ZNF438: variants seen among roughly 807,000 people sequenced by gnomAD.
The protein encoded by ZNF438 is zinc finger protein 438.
In ZNF438, 25 loss-of-function variants were observed where a neutral mutation model predicts 38.0. The ratio of observed to expected loss-of-function variants is 0.66; its 90% confidence interval spans 0.48 to 0.92. The LOEUF is 0.92. Ranked by LOEUF, ZNF438 falls within the 40% of genes least tolerant of loss-of-function variation. The probability of loss-of-function intolerance (pLI) is 0.00; values close to 1 mark genes in which losing one functional copy is unlikely to be tolerated. For missense variants in ZNF438, 1,007 were observed against 999.6 expected, an observed-to-expected ratio of 1.01 and a Z score of -0.10; for synonymous variants, 372 against 364.1, an observed-to-expected ratio of 1.02 and a Z score of -0.25.
intron 1 of ZNF438, among the ~76,000 whole-genome samples, chr10:30,966,437 G>A (rs1437311056): frequency 1.3e-5 from 2 of 152,096 alleles, no homozygotes; most frequent in East Asian, 1.9e-4. Flanking sequence ...TTAGAAGGCC[G>A]AGGCGGGTGG....
intron 4 of ZNF438, among the ~76,000 whole-genome samples, chr10:30,863,593 C>G (rs1379223184): frequency 1.3e-5 from 2 of 152,222 alleles, no homozygotes; most frequent in Non-Finnish European, 1.5e-5. Flanking sequence ...AAGGGAATAT[C>G]TATTCTCATC....
chr10:30,951,647 C>G (rs993750543), intron 1 of ZNF438, among the ~76,000 whole-genome samples: 1 of 152,082 alleles, frequency 6.6e-6, no homozygotes, highest in Non-Finnish European at 1.5e-5. Context: ...CGCCCATTCA[C>G]AATTGCTTCA....
intron 3 of ZNF438, among the ~76,000 whole-genome samples, chr10:30,905,339 G>A (rs2042467443): frequency 6.6e-6 from 1 of 152,262 alleles, no homozygotes; most frequent in South Asian, 2.1e-4. Flanking sequence ...GTGTTTCATT[G>A]TGGCTATTCC....
intron 1 of ZNF438, among the ~76,000 whole-genome samples, chr10:31,013,911 T>A (rs2055960323): frequency 6.6e-6 from 1 of 152,142 alleles, no homozygotes; most frequent in South Asian, 2.1e-4. Context: ...TTAAAACTGT[T>A]TTTACTGTCT....
chr10:30,883,915 A>G (rs2039606275), intron 3 of ZNF438, among the ~76,000 whole-genome samples: 1 of 152,172 alleles, frequency 6.6e-6, no homozygotes, highest in African/African-American at 2.4e-5. Flanking sequence ...TGTTAGTTAC[A>G]GATCAGTATG....
intron 1 of ZNF438, among the ~76,000 whole-genome samples, chr10:31,011,131 G>A (rs1450236310): frequency 6.6e-6 from 1 of 152,124 alleles, no homozygotes; most frequent in African/African-American, 2.4e-5. Flanking sequence ...CAAAACAGGT[G>A]CCTGAGGATT....
intron 5 of ZNF438, among the ~76,000 whole-genome samples, chr10:30,846,645 T>C (rs1009934586): frequency 8.5e-5 from 13 of 152,324 alleles, no homozygotes; most frequent in African/African-American, 3.1e-4. Context: ...CACAACTGCC[T>C]GCAGCTGCCC....
intron 1 of ZNF438, among the ~76,000 whole-genome samples, chr10:30,989,326 G>C (rs182198142): frequency 2.2e-3 from 341 of 152,290 alleles, no homozygotes; most frequent in South Asian, 4.3e-3. Context: ...CCAAAAGGAA[G>C]CTGCTCCCTG....
intron 1 of ZNF438, among the ~76,000 whole-genome samples, chr10:30,978,592 T>A (rs1288361143): frequency 6.6e-6 from 1 of 152,138 alleles, no homozygotes; most frequent in Non-Finnish European, 1.5e-5. Context: ...CCCAAAAAGT[T>A]CCCTTGTACT....
At chr10:30,948,396 T>A (rs1589360371) in intron 1 of ZNF438, among the ~76,000 whole-genome samples, 1 of 152,114 alleles carries the variant, frequency 6.6e-6, no homozygotes, top group African/African-American at 2.4e-5. Context: ...CAAAGCTGGA[T>A]GGAGAATGAC....
intron 1 of ZNF438, among the ~76,000 whole-genome samples, chr10:30,974,260 G>A (rs2051081236): frequency 6.6e-6 from 1 of 152,232 alleles, no homozygotes; most frequent in Non-Finnish European, 1.5e-5. Context: ...CAGGAGGATT[G>A]CTTGAGACCA....
Position 30,928,475 on chromosome 10 carries a change from C to T in ZNF438, c.-115+13100G>A, listed in dbSNP as rs527984436. On this transcript the variant is annotated intron_variant, in intron 2 of 5. Coordinates refer to ENST00000413025, the Ensembl canonical transcript of ZNF438. The stretch of plus-strand genomic sequence containing the variant: ...TGTTATTTATCATGATCCAGTGGTA[C>T]ACTTATTTATAAATATAAATATAAG... Among the ~76,000 whole-genome samples the T allele has an allele frequency of 1.4e-4, 21 of 151,034 alleles. No homozygotes were observed. In the South Asian group the frequency reaches 3.8e-3, roughly 27 times the overall value.
At chr10:30,950,522 A>G (rs1449250631) in intron 1 of ZNF438, among the ~76,000 whole-genome samples, 1 of 152,026 alleles carries the variant, frequency 6.6e-6, no homozygotes, top group Non-Finnish European at 1.5e-5. Context: ...AAAGAAAAAA[A>G]GAGAGAAGAA....
intron 2 of ZNF438, among the ~76,000 whole-genome samples, chr10:30,909,302 A>T (rs544524855): frequency 6.6e-6 from 1 of 152,288 alleles, no homozygotes; most frequent in African/African-American, 2.4e-5. Context: ...TTTGTTTCTG[A>T]TTATTATGTA....
At position 30,945,168 on chromosome 10, in the gene ZNF438, C is replaced by T. The variant is rs563540732; in HGVS notation, c.-191-3517G>A. ...ATCTATTTCTCTTTTCTGTTCTGTC[C>T]ATTATTGCTTCAAGTATTTTAAGGC... On this transcript the variant is annotated intron_variant, in intron 1 of 5. Transcript: ENST00000413025. Among the ~76,000 whole-genome samples, 35 of 151,698 alleles carry T rather than the reference C, an allele frequency of 2.3e-4. No homozygotes were observed. In the East Asian group the frequency reaches 6.4e-3, roughly 28 times the overall value.
intron 2 of ZNF438, among the ~76,000 whole-genome samples, chr10:30,929,696 A>G (rs1248434209): frequency 6.6e-6 from 1 of 152,180 alleles, no homozygotes; most frequent in Admixed American, 6.5e-5. Context: ...CAGAGGGCTG[A>G]CTGATCCATT....
At chr10:30,960,247 T>A (rs531454681) in intron 1 of ZNF438, among the ~76,000 whole-genome samples, 6 of 147,564 alleles carry the variant, frequency 4.1e-5, no homozygotes, top group African/African-American at 1.5e-4. Context: ...TTCTTCCCAA[T>A]GTCTTTTGTA....
chr10:31,013,147 G>A (rs976600477), intron 1 of ZNF438, among the ~76,000 whole-genome samples: 1 of 151,954 alleles, frequency 6.6e-6, no homozygotes. Context: ...GCGAAACCCC[G>A]TGTCTACTAA....
chr10:30,849,239 A>G, exon 5 of ZNF438: 1 of 1,614,126 alleles, frequency 6.2e-7, no homozygotes, highest in Non-Finnish European at 8.5e-7. Flanking sequence ...TTCATCTGGT[A>G]CCTTCCGTTT....
Sources: allele counts gnomAD v4.1 joint callset (sites outside exome capture counted in the v4.1 genomes callset), GRCh38; gene constraint gnomAD v4.1.1; transcripts MANE v1.5; gene names NCBI Gene and HGNC (gene_info 2026-07-23, HGNC 2026-07-21).